Variants in CPXM2 observed in about 807,000 individuals in gnomAD.
CPXM2 encodes the protein carboxypeptidase X, M14 family member 2, also known as inactive carboxypeptidase-like protein X2.
Under a neutral mutation model 86.1 loss-of-function variants are expected in CPXM2, and 66 were observed. The observed-to-expected ratio is 0.77, with a 90% confidence interval of 0.63 to 0.94. The LOEUF (loss-of-function observed/expected upper bound fraction) is 0.94. Among genes scored for constraint, CPXM2 ranks in the 40% least tolerant of loss-of-function variants. CPXM2 has a pLI of 0.00. For synonymous variants in CPXM2, 388 were observed against 400.2 expected, an observed-to-expected ratio of 0.97 and a Z score of 0.36; for missense variants, 948 against 1,026.3, an observed-to-expected ratio of 0.92 and a Z score of 1.04.
intron 3 of CPXM2, among the ~76,000 whole-genome samples, chr10:123,849,128 T>C (rs1455743786): frequency 1.3e-5 from 2 of 152,228 alleles, no homozygotes; most frequent in Non-Finnish European, 2.9e-5. Flanking sequence ...GTTTCTTAGA[T>C]ATTCTATTTT....
chr10:123,889,899 G>A (rs564653715), intron 1 of CPXM2, among the ~76,000 whole-genome samples: 16 of 152,102 alleles, frequency 1.1e-4, no homozygotes, highest in East Asian at 3.9e-4. Context: ...TGCCCAGGAC[G>A]GAGCTAAGCA....
chr10:123,892,794 C>G (rs1191238164), upstream of CPXM2, among the ~76,000 whole-genome samples: 1 of 152,194 alleles, frequency 6.6e-6, no homozygotes, highest in Non-Finnish European at 1.5e-5. Context: ...GTAGGACTGA[C>G]GTGCAGTTCA....
chr10:123,752,494 A>G, intron 13 of CPXM2: 8 of 985,404 alleles, frequency 8.1e-6, no homozygotes, highest in Non-Finnish European at 9.6e-6. Context: ...TTGGTCTTTT[A>G]TGCCAGGCCC....
intron 2 of CPXM2, among the ~76,000 whole-genome samples, chr10:123,907,554 A>T (rs917884723): frequency 1.4e-5 from 2 of 146,438 alleles, no homozygotes; most frequent in African/African-American, 2.5e-5. Context: ...ACTGGGGATC[A>T]CTTAGGTGAC....
intron 3 of CPXM2, among the ~76,000 whole-genome samples, chr10:123,851,359 T>A (rs1225912646): frequency 6.6e-6 from 1 of 152,184 alleles, no homozygotes; most frequent in Non-Finnish European, 1.5e-5. Context: ...TCCTCCAAGC[T>A]CCAGCCTGAG....
At chr10:123,833,455 C>T (rs544602890) in intron 4 of CPXM2, among the ~76,000 whole-genome samples, 2 of 152,212 alleles carry the variant, frequency 1.3e-5, no homozygotes, top group Non-Finnish European at 2.9e-5. Context: ...TCTGGAGGCA[C>T]TGGGGGTGCT....
intron 2 of CPXM2, among the ~76,000 whole-genome samples, chr10:123,897,562 C>T (rs1945347782): frequency 6.6e-6 from 1 of 152,108 alleles, no homozygotes; most frequent in African/African-American, 2.4e-5. Flanking sequence ...CATAGTGTGT[C>T]AGGGTGCAGC....
In CPXM2 at chr10:123,842,490, T is replaced by TAGAA. The variant is rs752574265; in HGVS notation, c.514-6_514-3dup. On this transcript the variant is annotated splice_polypyrimidine_tract_variant and splice_region_variant and intron_variant, in intron 3 of 13. Transcript: ENST00000241305. ...AAAATCATTTTCATTAATGCCCGCC[T>TAGAA]AGAAAGAAAGAAAGCGGTGTTCTTC... 9.3e-6 allele frequency: 15 copies of TAGAA among 1,613,330 alleles called. No individual in the cohort carries two copies. The highest frequency in any genetic ancestry group is 1.3e-5 in the Non-Finnish European group (15 of 1,179,354).
chr10:123,879,879 C>G (rs1945052267), intron 2 of CPXM2, among the ~76,000 whole-genome samples: 1 of 152,128 alleles, frequency 6.6e-6, no homozygotes, highest in African/African-American at 2.4e-5. Context: ...CCATGGGCAG[C>G]TAAGAGGTCC....
intron 11 of CPXM2, among the ~76,000 whole-genome samples, chr10:123,758,499 G>T (rs1846266009): frequency 6.6e-6 from 1 of 152,066 alleles, no homozygotes; most frequent in African/African-American, 2.4e-5. Flanking sequence ...GGCCCATCCA[G>T]GTAACACAGG....
chr10:123,792,069 A>T (rs1420410065), intron 6 of CPXM2, among the ~76,000 whole-genome samples: 1 of 152,204 alleles, frequency 6.6e-6, no homozygotes, highest in Non-Finnish European at 1.5e-5. Context: ...TTGTTGTTGG[A>T]AAAGTAGCGA....
intron 3 of CPXM2, among the ~76,000 whole-genome samples, chr10:123,856,905 T>C (rs1848737589): frequency 6.6e-6 from 1 of 152,228 alleles, no homozygotes; most frequent in South Asian, 2.1e-4. Flanking sequence ...AGCATGATTT[T>C]AGAGGTCATT....
chr10:123,824,968 T>C (rs543340652), intron 4 of CPXM2, among the ~76,000 whole-genome samples: 2 of 152,350 alleles, frequency 1.3e-5, no homozygotes, highest in South Asian at 2.1e-4. Flanking sequence ...GGAGGAATCA[T>C]GTCTTTTCCT....
chr10:123,770,111 T>C (rs1031495510), intron 8 of CPXM2, among the ~76,000 whole-genome samples: 5 of 151,978 alleles, frequency 3.3e-5, no homozygotes, highest in Non-Finnish European at 7.4e-5. Context: ...ATGTCTCTAC[T>C]AAAAATACAA....
At position 123,749,307 on chromosome 10, in the gene CPXM2, C is replaced by T. The variant is rs115875110; in HGVS notation, c.2018-2290G>A. On this transcript the variant is annotated intron_variant, in intron 13 of 13. Transcript: ENST00000241305. ...GGGAGGGGGCAGCCCAGGTTCTCAC[C>T]AAGGGAGGTGTTCAGTAAGCTGAGC... Among the ~76,000 whole-genome samples, 978 of 152,172 alleles carry T rather than the reference C, an allele frequency of 6.4e-3. 9 individuals are homozygous for T. Among genetic ancestry groups the T allele is most frequent in the African/African-American group, 0.022 (924 of 41,510 alleles).
At chr10:123,774,366 T>C (rs1240800777) in intron 7 of CPXM2, among the ~76,000 whole-genome samples, 1 of 152,236 alleles carries the variant, frequency 6.6e-6, no homozygotes, top group Non-Finnish European at 1.5e-5. Flanking sequence ...ATCCATAAAA[T>C]GTCCTTGTAA....
intron 2 of CPXM2, among the ~76,000 whole-genome samples, chr10:123,868,106 G>GA (rs1944827094): frequency 6.6e-6 from 1 of 152,208 alleles, no homozygotes; most frequent in African/African-American, 2.4e-5. Flanking sequence ...CAGAGGCCTT[G>GA]AAAAGTGGAT....
At chr10:123,776,793 A>G (rs747659601) in intron 7 of CPXM2, 4 of 152,238 alleles carry the variant, frequency 2.6e-5, no homozygotes, top group Non-Finnish European at 5.9e-5. Context: ...TGGGGAGAAA[A>G]TGAAAACTGC....
intron 11 of CPXM2, among the ~76,000 whole-genome samples, chr10:123,758,038 C>T (rs935069598): frequency 6.6e-6 from 1 of 152,062 alleles, no homozygotes; most frequent in Non-Finnish European, 1.5e-5. Context: ...CCCACAGCTC[C>T]GAATAGACCA....
Sources: allele counts gnomAD v4.1 joint callset (sites outside exome capture counted in the v4.1 genomes callset), GRCh38; gene constraint gnomAD v4.1.1; transcripts MANE v1.5; gene names NCBI Gene and HGNC (gene_info 2026-07-23, HGNC 2026-07-21).